Variants in CNTN1 observed in about 807,000 individuals in gnomAD.
CNTN1 encodes the protein contactin 1, also known as contactin-1.
A neutral mutation model predicts 126.4 loss-of-function variants in CNTN1; 38 were observed. The ratio of observed to expected loss-of-function variants is 0.30; its 90% CI spans 0.23 to 0.39. CNTN1 has a LOEUF of 0.39. Ranked by LOEUF, CNTN1 falls within the 10% of genes least tolerant of loss-of-function variation. CNTN1 has a pLI of 1.00. For synonymous variants in CNTN1, 413 were observed against 422.6 expected (o/e 0.98, Z 0.28); for missense variants, 1,009 against 1,248.4 (o/e 0.81, Z 2.89).
intron 17 of CNTN1, among the ~76,000 whole-genome samples, chr12:41,008,967 A>G (rs1948576916): frequency 6.6e-6 from 1 of 152,204 alleles, no homozygotes; most frequent in African/African-American, 2.4e-5. Flanking sequence ...CTATCAGTTC[A>G]GCTGGTTGAG....
chr12:40,948,352 C>CAAAA (rs202160837), intron 14 of CNTN1, among the ~76,000 whole-genome samples: 19 of 105,594 alleles, frequency 1.8e-4, no homozygotes, highest in South Asian at 1.5e-3. Flanking sequence ...AGACTGAGAC[C>CAAAA]AAAAAAAAAA....
intron 1 of CNTN1, among the ~76,000 whole-genome samples, chr12:40,752,266 T>C (rs1343428686): frequency 6.6e-6 from 1 of 152,128 alleles, no homozygotes; most frequent in Admixed American, 6.6e-5. Flanking sequence ...GCAATTTAAC[T>C]TGTCCTAAAT....
At chr12:40,940,139 A>G (rs1278477342) in intron 12 of CNTN1, among the ~76,000 whole-genome samples, 1 of 152,182 alleles carries the variant, frequency 6.6e-6, no homozygotes, top group South Asian at 2.1e-4. Flanking sequence ...GAAAGCCAGG[A>G]TGGGAAATGG....
At chr12:40,974,418 G>A (rs555374229) in intron 15 of CNTN1, among the ~76,000 whole-genome samples, 5 of 151,900 alleles carry the variant, frequency 3.3e-5, no homozygotes, top group East Asian at 1.9e-4. Context: ...CCCAGGCAAC[G>A]TGGTGAAACC....
In CNTN1 at chr12:40,884,593, G is replaced by T. The variant is rs148502415; in HGVS notation, c.-76-23764G>T. 4.6e-3 allele frequency among the ~76,000 whole-genome samples: 692 copies of T among 151,390 alleles called. 5 individuals are homozygous for T. The highest frequency in any genetic ancestry group is 0.012 in the African/African-American group (514 of 41,468). ...GCAGTATAGGAAAATATTAATCATT[G>T]CATCCACATAAACATCGAGTATTGT... On this transcript the variant is annotated intron_variant, in intron 1 of 23. Transcript: ENST00000551295.
intron 23 of CNTN1, among the ~76,000 whole-genome samples, chr12:41,044,116 T>C (rs2120976777): frequency 6.6e-6 from 1 of 151,336 alleles, no homozygotes; most frequent in African/African-American, 2.4e-5. Flanking sequence ...AACCTGCACA[T>C]TGTGCACATG....
At chr12:41,041,294 A>G (rs1438862482) in intron 23 of CNTN1, among the ~76,000 whole-genome samples, 1 of 152,002 alleles carries the variant, frequency 6.6e-6, no homozygotes, top group Non-Finnish European at 1.5e-5. Flanking sequence ...AAGCTTTTTG[A>G]TGTGCTGCTG....
chr12:41,015,203 A>AC (rs1258497890), intron 18 of CNTN1, among the ~76,000 whole-genome samples: 1 of 2,486 alleles, frequency 4.0e-4, no homozygotes, highest in Non-Finnish European at 6.7e-4. Flanking sequence ...TTTAGCAAAA[A>AC]AAAACTAATC....
intron 1 of CNTN1, among the ~76,000 whole-genome samples, chr12:40,744,373 T>C (rs1490045223): frequency 6.6e-6 from 1 of 151,842 alleles, no homozygotes; most frequent in East Asian, 1.9e-4. Flanking sequence ...GTGGAAAAGA[T>C]CCATCAATTT....
At chr12:41,036,176 T>C (rs1949258146) in intron 23 of CNTN1, among the ~76,000 whole-genome samples, 2 of 152,106 alleles carry the variant, frequency 1.3e-5, no homozygotes, top group Admixed American at 6.6e-5. Context: ...TTTTCCAGGA[T>C]AAATGGTTAA....
At chr12:40,730,493 G>T (rs1043162884) in intron 1 of CNTN1, among the ~76,000 whole-genome samples, 8 of 152,168 alleles carry the variant, frequency 5.3e-5, no homozygotes, top group Admixed American at 4.6e-4. Context: ...ACTGTCCATG[G>T]TATCCTGAAA....
chr12:40,985,621 T>C (rs1947939093), intron 16 of CNTN1, among the ~76,000 whole-genome samples: 1 of 152,236 alleles, frequency 6.6e-6, no homozygotes, highest in Non-Finnish European at 1.5e-5. Context: ...GTCCCTTTTA[T>C]GTGACTGCTT....
intron 3 of CNTN1, among the ~76,000 whole-genome samples, chr12:40,911,271 G>A (rs1311594129): frequency 2.6e-5 from 4 of 151,878 alleles, no homozygotes; most frequent in Non-Finnish European, 5.9e-5. Flanking sequence ...TAGTAGAGAC[G>A]GGGTTTCACC....
chr12:41,043,321 CCATCAA>C (rs1566204128), intron 23 of CNTN1, among the ~76,000 whole-genome samples: 1 of 151,996 alleles, frequency 6.6e-6, no homozygotes. Flanking sequence ...ACAAACAACC[CCATCAA>C]AAAGTGGGCA....
In CNTN1 at chr12:40,699,524, T is replaced by C. The variant is rs924474990; in HGVS notation, c.-77+6932T>C. Among the ~76,000 whole-genome samples, 7 of 152,318 alleles carry C rather than the reference T, an allele frequency of 4.6e-5. No homozygotes were observed. In the East Asian group the frequency reaches 1.3e-3, roughly 29 times the overall value. ...TAAATATCTTTTAAATAATTCTGCA[T>C]TTTAAAAGGAAAGAGGAATGCATAG... On this transcript the variant is annotated intron_variant, in intron 1 of 23. Transcript: ENST00000551295.
intron 7 of CNTN1, 111 bp from the exon 8 acceptor site, chr12:40,933,349 AG>A: frequency 1.3e-6 from 1 of 792,888 alleles, no homozygotes; most frequent in Non-Finnish European, 2.2e-6. Flanking sequence ...GTACCTGTAC[AG>A]AGAAAAGCTT....
chr12:40,879,767 G>A (rs1343765486), intron 1 of CNTN1, among the ~76,000 whole-genome samples: 2 of 152,104 alleles, frequency 1.3e-5, no homozygotes, highest in Non-Finnish European at 2.9e-5. Flanking sequence ...ACAGAGACAC[G>A]TAAATTCTTT....
chr12:40,958,545 T>C (rs1034525994), intron 14 of CNTN1, among the ~76,000 whole-genome samples: 3 of 152,002 alleles, frequency 2.0e-5, no homozygotes, highest in Non-Finnish European at 4.4e-5. Context: ...TTGGAGGCAA[T>C]AGAATAGAGC....
chr12:40,771,181 T>C (rs1001784823), intron 1 of CNTN1, among the ~76,000 whole-genome samples: 13 of 152,094 alleles, frequency 8.5e-5, no homozygotes, highest in Non-Finnish European at 1.9e-4. Context: ...TTAATTCTGC[T>C]ACAATTAGAG....
Sources: gnomAD v4.1 joint callset for allele counts (sites outside exome capture counted in the v4.1 genomes callset) on GRCh38, gnomAD v4.1.1 for gene constraint, MANE v1.5 for transcripts, NCBI Gene and HGNC (gene_info 2026-07-23, HGNC 2026-07-21) for gene names.